Variants in DMD observed in about 807,000 individuals in gnomAD.
The protein encoded by DMD is dystrophin.
DMD carries 63 observed loss-of-function variants against 330.1 expected under a neutral mutation model. That is an observed-to-expected ratio of 0.19 (90% confidence interval 0.16 to 0.24). The LOEUF is 0.24. DMD is among the 10% of genes least tolerant of loss of function. The probability of loss-of-function intolerance (pLI) is 1.00; values close to 1 mark genes in which losing one functional copy is unlikely to be tolerated. For synonymous variants in DMD, 1,223 were observed against 959.8 expected (o/e 1.27, Z -5.07); for missense variants, 3,344 against 2,684.1 (o/e 1.25, Z -5.43).
intron 45 of DMD, among the ~76,000 whole-genome samples, chrX:31,951,131 A>ATGTG (rs2095161238): frequency 5.2e-5 from 4 of 77,504 alleles, no homozygotes; most frequent in Admixed American, 2.7e-4. Context: ...ACATATATAT[A>ATGTG]TATATATATG....
At chrX:31,733,221 A>C (rs1043272324) in intron 51 of DMD, among the ~76,000 whole-genome samples, 1 of 111,697 alleles carries the variant, frequency 9.0e-6, no homozygotes, top group Non-Finnish European at 1.9e-5. Flanking sequence ...TATAAATAGC[A>C]ACCCTATGAA....
intron 1 of DMD, among the ~76,000 whole-genome samples, chrX:33,150,292 CTTTTTT>C (rs67904733): frequency 1.1e-5 from 1 of 87,613 alleles, no homozygotes; most frequent in Non-Finnish European, 2.2e-5. Flanking sequence ...AAAAGTCAGT[CTTTTTT>C]TTTTTTTTTT....
intron 17 of DMD, among the ~76,000 whole-genome samples, chrX:32,539,760 T>C (rs886281357): frequency 5.4e-5 from 6 of 111,117 alleles, no homozygotes; most frequent in Non-Finnish European, 7.6e-5. Context: ...AAAAAGAAAA[T>C]CAAACAAACA....
At chrX:32,341,469 A>G (rs1395356534) in intron 41 of DMD, among the ~76,000 whole-genome samples, 1 of 112,055 alleles carries the variant, frequency 8.9e-6, no homozygotes, top group Non-Finnish European at 1.9e-5. Context: ...AAAGAAGAGC[A>G]GTCACTCCTT....
At chrX:31,840,705 A>G (rs1040296398) in intron 48 of DMD, among the ~76,000 whole-genome samples, 12 of 110,362 alleles carry the variant, frequency 1.1e-4, no homozygotes, top group African/African-American at 2.6e-4. Flanking sequence ...CAATATTTTT[A>G]TAACTGTTAT....
intron 30 of DMD, among the ~76,000 whole-genome samples, chrX:32,394,922 A>AAAAAAAAC (rs1557326755): frequency 0.064 from 1,406 of 22,036 alleles, 72 homozygotes; most frequent in Middle Eastern, 0.11. Context: ...AAAACAAAAA[A>AAAAAAAAC]AAAAAAAAAA....
chrX:32,780,809 G>C (rs66748831), intron 7 of DMD, among the ~76,000 whole-genome samples: 9,274 of 109,788 alleles, frequency 0.084, 988 homozygotes, highest in African/African-American at 0.29. Context: ...GTGTCTTCAA[G>C]AAACATTTGT....
chrX:32,549,796 C>A (rs2049339406), intron 16 of DMD, among the ~76,000 whole-genome samples: 1 of 111,677 alleles, frequency 9.0e-6, no homozygotes, highest in Admixed American at 9.6e-5. Context: ...AAACTATGCT[C>A]AAGAAATGAA....
rs188829694 is a variant in DMD, at chrX:31,704,713, A to G, written c.7660+24918T>C. Among the ~76,000 whole-genome samples, 151 of 111,863 alleles carry G rather than the reference A, an allele frequency of 1.3e-3. 1 individual carries two copies. Among genetic ancestry groups the G allele is most frequent in the African/African-American group, 4.7e-3 (145 of 30,917 alleles). On this transcript the variant is annotated intron_variant, in intron 52 of 78. Coordinates refer to ENST00000357033, the MANE Select transcript of DMD (RefSeq NM_004006.3). ...CCAGAACTTGGTCTCAAGCAAGACTATATTTTTCTAAGTTCTTTAATAAAT... is the reference window on the plus strand; with the variant it reads ...CCAGAACTTGGTCTCAAGCAAGACTGTATTTTTCTAAGTTCTTTAATAAAT...
chrX:32,316,576 G>A (rs2097583168), intron 41 of DMD, among the ~76,000 whole-genome samples: 1 of 111,515 alleles, frequency 9.0e-6, no homozygotes, highest in Non-Finnish European at 1.9e-5. Flanking sequence ...GGTTGATCCT[G>A]TGAACTTTCT....
chrX:33,088,577 C>T (rs937021581), intron 1 of DMD, among the ~76,000 whole-genome samples: 10 of 110,655 alleles, frequency 9.0e-5, no homozygotes, highest in Non-Finnish European at 1.7e-4. Flanking sequence ...AAGAGCTACT[C>T]GGGAGGCTGA....
chrX:31,641,223 C>T (rs1028646668), intron 54 of DMD, among the ~76,000 whole-genome samples: 6 of 111,417 alleles, frequency 5.4e-5, no homozygotes, highest in African/African-American at 9.8e-5. Context: ...AAGGAGGGAT[C>T]GGCCATGGTG....
chrX:32,283,402 T>C (rs981650902), intron 43 of DMD, among the ~76,000 whole-genome samples: 3 of 111,885 alleles, frequency 2.7e-5, no homozygotes, highest in Non-Finnish European at 5.6e-5. Context: ...AAATTTATTT[T>C]GATTTAACCC....
In DMD at chrX:33,266,823, C is replaced by T. The variant is rs759348817; in HGVS notation, c.7+72436G>A. 2.0e-4 allele frequency among the ~76,000 whole-genome samples: 22 copies of T among 111,030 alleles called. 1 individual carries two copies. In the South Asian group the frequency reaches 4.6e-3, roughly 23 times the overall value. Reference sequence around the variant, plus strand: ...CTTCATGATAAAAACCCTCAACAGACTAGGCACTGAAGGAACATACCTCAA... The same window carrying T: ...CTTCATGATAAAAACCCTCAACAGATTAGGCACTGAAGGAACATACCTCAA... On this transcript the variant is annotated intron_variant, in intron 1 of 17. Coordinates refer to the DMD transcript ENST00000288447.
At chrX:33,031,260 C>T (rs1170397646) in intron 1 of DMD, among the ~76,000 whole-genome samples, 5 of 108,350 alleles carry the variant, frequency 4.6e-5, no homozygotes, top group African/African-American at 1.7e-4. Context: ...CCAGGGGCAA[C>T]CCTCAATAAA....
chrX:32,590,806 C>T (rs2054823137), intron 13 of DMD, among the ~76,000 whole-genome samples: 1 of 111,247 alleles, frequency 9.0e-6, no homozygotes, highest in Non-Finnish European at 1.9e-5. Flanking sequence ...CTGCACCAGG[C>T]TACTAGGTTC....
At chrX:31,241,732 C>G (rs1234418921) in intron 63 of DMD, among the ~76,000 whole-genome samples, 1 of 111,433 alleles carries the variant, frequency 9.0e-6, no homozygotes, top group Non-Finnish European at 1.9e-5. Flanking sequence ...AGACCCTCAT[C>G]ATGTCAATTA....
intron 50 of DMD, among the ~76,000 whole-genome samples, chrX:31,783,983 T>C (rs968923231): frequency 8.9e-6 from 1 of 112,045 alleles, no homozygotes; most frequent in South Asian, 3.6e-4. Flanking sequence ...CTGGTGTGGA[T>C]AGGGAAAACA....
intron 2 of DMD, among the ~76,000 whole-genome samples, chrX:32,858,577 C>G (rs773407025): frequency 9.0e-6 from 1 of 111,673 alleles, no homozygotes; most frequent in Non-Finnish European, 1.9e-5. Flanking sequence ...ATCCGCCTCC[C>G]TCAGCTTCCC....
Sources: allele counts gnomAD v4.1 joint callset (sites outside exome capture counted in the v4.1 genomes callset), GRCh38; gene constraint gnomAD v4.1.1; transcripts MANE v1.5; gene names NCBI Gene and HGNC (gene_info 2026-07-23, HGNC 2026-07-21).